TMEM150B: variants seen among roughly 807,000 people sequenced by gnomAD.
TMEM150B encodes the protein modulator of macroautophagy TMEM150B.
In TMEM150B, 33 loss-of-function variants were observed where a neutral mutation model predicts 25.2. The observed-to-expected ratio is 1.31, with a 90% confidence interval of 0.99 to 1.75. The LOEUF is 1.75. TMEM150B is among the 40% of genes most tolerant of loss of function. TMEM150B has a pLI of 0.00. For missense variants in TMEM150B, 322 were observed against 306.1 expected, an observed-to-expected ratio of 1.05 and a Z score of -0.39; for synonymous variants, 133 against 134.8, an observed-to-expected ratio of 0.99 and a Z score of 0.09.
In TMEM150B at chr19:55,320,159, C is replaced by A. The variant is rs779245374; in HGVS notation, c.204G>T (p.Trp68Cys). ...GCTGGTGGTAACGGACAATGCAGATCCACGCGGCTGGGAGTAGAGGGGAGA... is the reference window on the plus strand; with the variant it reads ...GCTGGTGGTAACGGACAATGCAGATACACGCGGCTGGGAGTAGAGGGGAGA... ...VLNMGAALAA[W>C]ICIVRYHQLR... is the part of the protein sequence containing the mutation. The change falls in exon 6 of 8, where the codon TGG (tryptophan) becomes TGT (cysteine). Residue 68 changes from tryptophan (W) to cysteine (C), a missense_variant. Trp to Cys is a radical substitution (Grantham distance 215, BLOSUM62 -2). Transcript: ENST00000326652. The A allele has an allele frequency of 6.2e-6, 10 of 1,613,990 alleles. No homozygotes were observed. Among genetic ancestry groups the A allele is most frequent in the African/African-American group, 1.3e-5 (1 of 74,996 alleles).
chr19:55,313,139 G>C, intron 7 of TMEM150B, 84 bp from the exon 8 acceptor site: 2 of 1,405,996 alleles, frequency 1.4e-6, no homozygotes, highest in Admixed American at 2.2e-5. Flanking sequence ...GCTGGGCGGA[G>C]GCCGTCTCTG....
At position 55,313,037 on chromosome 19, in the gene TMEM150B, C is replaced by T; in HGVS notation, c.524G>A (p.Cys175Tyr). 3 of 1,612,062 alleles carry T rather than the reference C, an allele frequency of 1.9e-6. No individual in the cohort carries two copies. Among genetic ancestry groups the T allele is most frequent in the South Asian group, 1.1e-5 (1 of 90,808 alleles). ...GGCCGCAGAGACGCTACGCAGCGAG[C>T]AGGCGTGGAGGACGATCACTGCCCC... ...LIVAMIVLHA[C>Y]SLRSVSAACE... The change falls in exon 8 of 8, where the codon TGC becomes TAC. Residue 175 changes from cysteine (C) to tyrosine (Y), a missense_variant. Cys to Tyr is a radical substitution (Grantham distance 194). Coordinates refer to ENST00000326652, the MANE Select transcript of TMEM150B (RefSeq NM_001282011.2).
intron 7 of TMEM150B, among the ~76,000 whole-genome samples, chr19:55,315,844 C>T (rs911317994): frequency 2.6e-5 from 4 of 151,228 alleles, no homozygotes; most frequent in South Asian, 2.1e-4. Context: ...GCAGGAGAAT[C>T]GCTTGAACCC....
chr19:55,311,973 C>A, downstream of TMEM150B: 1 of 1,593,210 alleles, frequency 6.3e-7, no homozygotes. Context: ...GCAGCCCCCA[C>A]CCGGCCGCCC....
Position 55,322,730 on chromosome 19 carries a change from C to A in TMEM150B, c.-140G>T. 1.0e-6 allele frequency: 1 copy of A among 985,386 alleles called. No individual in the cohort carries two copies. Among genetic ancestry groups the A allele is most frequent in the Non-Finnish European group, 1.2e-6 (1 of 830,028 alleles). The allele number at this position is 985,386 out of a possible 1,614,324, so 61.0% of individuals were successfully genotyped here. ...AGAAGGGCTGGCATTCGGGGTGGGG[C>A]TCAGGCAGACATCCTGCAGAGGCAA... is the stretch of plus-strand genomic sequence containing the variant. On this transcript the variant is annotated 5_prime_UTR_variant, in exon 2 of 8. Transcript: ENST00000326652.
Position 55,316,779 on chromosome 19 carries a change from A to G in TMEM150B, c.505+7T>C. On this transcript the variant is annotated splice_region_variant and intron_variant, in intron 7 of 7. Coordinates refer to ENST00000326652, the MANE Select transcript of TMEM150B (RefSeq NM_001282011.2). ...TCCAAGCCCTACCCCGGATACAAGA[A>G]GGATACTGGCCACAATGAGGATGGT... 1 of 1,502,062 alleles carries G rather than the reference A, an allele frequency of 6.7e-7. No individual in the cohort carries two copies. The highest frequency in any genetic ancestry group is 1.4e-5 in the South Asian group (1 of 73,608). 93.0% of individuals were successfully genotyped at this position (1,502,062 alleles called of 1,614,324 possible).
intron 7 of TMEM150B, 140 bp from the exon 8 acceptor site, chr19:55,313,195 G>T: frequency 1.2e-6 from 1 of 840,226 alleles, no homozygotes. Flanking sequence ...GCTCCTCACA[G>T]ACGGGGCCTC....
intron 1 of TMEM150B, among the ~76,000 whole-genome samples, chr19:55,323,260 C>G (rs1434696230): frequency 6.6e-6 from 1 of 151,948 alleles, no homozygotes; most frequent in Non-Finnish European, 1.5e-5. Context: ...GGTGAAACCC[C>G]ATCTCTACTA....
Position 55,312,871 on chromosome 19 carries a change from C to G in TMEM150B, c.690G>C (p.Pro230=), listed in dbSNP as rs929546497. ...SPPPASPISL[P]VQL Reference sequence around the variant, plus strand: ...GTCAGGGTGCCTGCTACAGCTGGACCGGCAGGGAGATGGGGGAGGCCGGCG... The same window carrying G: ...GTCAGGGTGCCTGCTACAGCTGGACGGGCAGGGAGATGGGGGAGGCCGGCG... Residue 230 remains proline, a synonymous_variant, in exon 8 of 8, where the codon CCG becomes CCC. Coordinates refer to ENST00000326652, the MANE Select transcript of TMEM150B (RefSeq NM_001282011.2). 3.1e-6 allele frequency: 5 copies of G among 1,590,734 alleles called. No individual in the cohort carries two copies. Among genetic ancestry groups the G allele is most frequent in the African/African-American group, 1.3e-5 (1 of 74,370 alleles).
At chr19:55,317,703 C>A (rs2089053290) in intron 6 of TMEM150B, among the ~76,000 whole-genome samples, 1 of 152,032 alleles carries the variant, frequency 6.6e-6, no homozygotes, top group Non-Finnish European at 1.5e-5. Flanking sequence ...ATCACTTGAA[C>A]CCAGGAGGCA....
At chr19:55,316,638 G>A (rs765765301) in intron 7 of TMEM150B, 148 bp downstream of exon 7, 20 of 848,056 alleles carry the variant, frequency 2.4e-5, no homozygotes, top group Non-Finnish European at 3.2e-5. Flanking sequence ...CCCCGAAGTC[G>A]GCATTCTCGA....
At chr19:55,314,592 CCCTCCCCCA>C (rs1166038821) in intron 7 of TMEM150B, among the ~76,000 whole-genome samples, 3 of 152,040 alleles carry the variant, frequency 2.0e-5, no homozygotes, top group Non-Finnish European at 4.4e-5. Flanking sequence ...CTTTATGGTT[CCCTCCCCCA>C]CCTACCCCAC....
intron 6 of TMEM150B, chr19:55,319,709 C>G: frequency 9.2e-7 from 1 of 1,085,254 alleles, no homozygotes; most frequent in Non-Finnish European, 1.1e-6. Flanking sequence ...CTCCGCCTCC[C>G]AAAGTGCTGG....
chr19:55,324,306 C>A, intron 1 of TMEM150B, among the ~76,000 whole-genome samples: 1 of 150,890 alleles, frequency 6.6e-6, no homozygotes, highest in East Asian at 2.0e-4. Flanking sequence ...AGATCGAGAC[C>A]AGCCTGGCCA....
At chr19:55,312,707 G>T, downstream of TMEM150B, 1 of 745,084 alleles carries the variant, frequency 1.3e-6, no homozygotes, top group East Asian at 2.7e-5. Flanking sequence ...CTCCGCGCCG[G>T]CACACAGGTC....
chr19:55,321,939 C>G (rs994410667), intron 2 of TMEM150B, among the ~76,000 whole-genome samples: 1 of 152,184 alleles, frequency 6.6e-6, no homozygotes, highest in Non-Finnish European at 1.5e-5. Context: ...CTCCTTTTGC[C>G]TGCTGGAGTT....
At chr19:55,313,105 G>A (rs758859811) in intron 7 of TMEM150B, 50 bp from the exon 8 acceptor site, 12 of 1,536,632 alleles carry the variant, frequency 7.8e-6, no homozygotes, top group Non-Finnish European at 1.1e-5. Flanking sequence ...CGCGGAGCCC[G>A]GCCTGGTCTC....
intron 7 of TMEM150B, among the ~76,000 whole-genome samples, chr19:55,314,728 C>G (rs549764580): frequency 4.1e-4 from 63 of 152,284 alleles, no homozygotes; most frequent in African/African-American, 1.4e-3. Context: ...CAAAGGAGAC[C>G]TAATGGTCTC....
At chr19:55,313,095 C>A (rs760819288) in intron 7 of TMEM150B, 40 bp from the exon 8 acceptor site, 4 of 1,555,828 alleles carry the variant, frequency 2.6e-6, no homozygotes, top group Non-Finnish European at 3.5e-6. Context: ...CCGTGACAGA[C>A]GCGGAGCCCG....
Sources: allele counts gnomAD v4.1 joint callset (sites outside exome capture counted in the v4.1 genomes callset), GRCh38; gene constraint gnomAD v4.1.1; transcripts MANE v1.5; gene names NCBI Gene and HGNC (gene_info 2026-07-23, HGNC 2026-07-21).